Variants in C1QTNF3 observed in about 807,000 individuals in gnomAD.
C1QTNF3 encodes C1q and TNF related 3, also known as complement C1q tumor necrosis factor-related protein 3.
Under a neutral mutation model 32.6 loss-of-function variants are expected in C1QTNF3, and 26 were observed. The observed-to-expected ratio is 0.80, with a 90% CI of 0.58 to 1.11. The LOEUF is 1.11. Ranked by LOEUF, C1QTNF3 falls within the 50% of genes least tolerant of loss-of-function variation. C1QTNF3 has a pLI of 0.00. For missense variants in C1QTNF3, 362 were observed against 398.2 expected (o/e 0.91, Z 0.77); for synonymous variants, 155 against 146.0 (o/e 1.06, Z -0.44).
the C1QTNF3 span, among the ~76,000 whole-genome samples, chr5:34,119,990 G>T: frequency 6.6e-6 from 1 of 152,174 alleles, no homozygotes; most frequent in Non-Finnish European, 1.5e-5. Flanking sequence ...GCTTACTGCA[G>T]TACTTTTGAC....
the C1QTNF3 span, chr5:34,168,219 C>T: frequency 3.3e-5 from 5 of 151,978 alleles, no homozygotes; most frequent in African/African-American, 7.2e-5. Context: ...TGGATTTATT[C>T]GTGATAAGAG....
At chr5:34,183,674 C>T in the C1QTNF3 span, among the ~76,000 whole-genome samples, 1 of 150,890 alleles carries the variant, frequency 6.6e-6, no homozygotes, top group African/African-American at 2.5e-5. Context: ...TTACTAATTA[C>T]TCCTGAAATC....
chr5:34,091,457 C>T, the C1QTNF3 span, among the ~76,000 whole-genome samples: 1 of 152,250 alleles, frequency 6.6e-6, no homozygotes, highest in Non-Finnish European at 1.5e-5. Flanking sequence ...TCTCTTCTTT[C>T]ATTTTGTTTG....
the C1QTNF3 span, among the ~76,000 whole-genome samples, chr5:34,159,150 A>G: frequency 2.4e-3 from 366 of 150,666 alleles, 1 homozygote; most frequent in African/African-American, 8.2e-3. Context: ...TATCACATCA[A>G]TGTCTACTAT....
the C1QTNF3 span, chr5:34,190,127 T>G: frequency 1.4e-6 from 1 of 713,120 alleles, no homozygotes; most frequent in Admixed American, 2.0e-5. Context: ...AAGATAGTGT[T>G]GAGGGCCCTC....
At chr5:34,165,934 A>T in the C1QTNF3 span, 1 of 146,252 alleles carries the variant, frequency 6.8e-6, no homozygotes, top group African/African-American at 2.5e-5. Flanking sequence ...AGTATAGCAC[A>T]TAATAATTTT....
At chr5:34,065,577 G>T in the C1QTNF3 span, among the ~76,000 whole-genome samples, 3 of 151,944 alleles carry the variant, frequency 2.0e-5, no homozygotes, top group African/African-American at 7.3e-5. Context: ...TGAGGCAGGA[G>T]AATCACTTGA....
the C1QTNF3 span, among the ~76,000 whole-genome samples, chr5:34,236,432 ATGTGTAAAACC>A: frequency 6.6e-6 from 1 of 151,978 alleles, no homozygotes; most frequent in Non-Finnish European, 1.5e-5. Context: ...CAACTGATTG[ATGTGTAAAACC>A]TCATTGTAAA....
chr5:34,072,450 T>C, the C1QTNF3 span, among the ~76,000 whole-genome samples: 3 of 151,826 alleles, frequency 2.0e-5, no homozygotes, highest in Non-Finnish European at 4.4e-5. Context: ...AAAATGTGAA[T>C]GTGAGGCTCA....
chr5:34,096,094 AT>A, the C1QTNF3 span, among the ~76,000 whole-genome samples: 2 of 150,248 alleles, frequency 1.3e-5, no homozygotes, highest in African/African-American at 4.9e-5. Flanking sequence ...TGTTCTGAAT[AT>A]TCATACCTTA....
chr5:34,047,802 A>G (rs1755011844), upstream of C1QTNF3, among the ~76,000 whole-genome samples: 1 of 152,358 alleles, frequency 6.6e-6, no homozygotes, highest in African/African-American at 2.4e-5. Context: ...CAGATGCTCT[A>G]CAGAGAAATT....
the C1QTNF3 span, among the ~76,000 whole-genome samples, chr5:34,143,855 G>A: frequency 6.6e-6 from 1 of 152,086 alleles, no homozygotes; most frequent in Non-Finnish European, 1.5e-5. Flanking sequence ...CGCAGACACT[G>A]TAAAGCAACT....
At chr5:34,190,432 G>A in the C1QTNF3 span, 2 of 716,012 alleles carry the variant, frequency 2.8e-6, no homozygotes, top group African/African-American at 3.5e-5. Context: ...AGGCTTGCCG[G>A]GGCTAAAGCA....
the C1QTNF3 span, among the ~76,000 whole-genome samples, chr5:34,061,979 T>G: frequency 9.5e-4 from 144 of 152,350 alleles, no homozygotes; most frequent in Non-Finnish European, 1.5e-3. Flanking sequence ...CAAACTTTTA[T>G]GCTCTGCTTC....
the C1QTNF3 span, among the ~76,000 whole-genome samples, chr5:34,067,708 T>G: frequency 1.3e-5 from 2 of 152,140 alleles, no homozygotes; most frequent in East Asian, 3.9e-4. Context: ...CATATCAGCA[T>G]GACATCTAGG....
At chr5:34,084,284 T>C in the C1QTNF3 span, among the ~76,000 whole-genome samples, 4 of 151,874 alleles carry the variant, frequency 2.6e-5, no homozygotes, top group African/African-American at 7.3e-5. Flanking sequence ...TCTCTATATG[T>C]CTGAAATCGA....
the C1QTNF3 span, among the ~76,000 whole-genome samples, chr5:34,178,462 C>G: frequency 6.6e-6 from 1 of 152,254 alleles, no homozygotes; most frequent in Non-Finnish European, 1.5e-5. Flanking sequence ...TGTGTCAACT[C>G]CAACCCTGGA....
the C1QTNF3 span, among the ~76,000 whole-genome samples, chr5:34,075,298 T>C: frequency 2.6e-5 from 4 of 151,648 alleles, no homozygotes; most frequent in Admixed American, 2.6e-4. Flanking sequence ...CCATCAAAAC[T>C]AGTGTCTAGG....
the C1QTNF3 span, among the ~76,000 whole-genome samples, chr5:34,221,926 A>G: frequency 6.6e-6 from 1 of 152,008 alleles, no homozygotes. Flanking sequence ...CCAGCAATAG[A>G]GCATTTCTTA....
Sources: gnomAD v4.1 joint callset for allele counts (sites outside exome capture counted in the v4.1 genomes callset) on GRCh38, gnomAD v4.1.1 for gene constraint, MANE v1.5 for transcripts, NCBI Gene and HGNC (gene_info 2026-07-23, HGNC 2026-07-21) for gene names.